PM20D2: variants seen among roughly 807,000 people sequenced by gnomAD.
PM20D2 encodes the protein xaa-Arg dipeptidase.
Under a neutral mutation model 42.9 loss-of-function variants are expected in PM20D2, and 33 were observed. The observed-to-expected ratio is 0.77, with a 90% confidence interval of 0.58 to 1.03. The LOEUF (loss-of-function observed/expected upper bound fraction) is 1.03, where lower values mean the gene tolerates loss of function less well. Ranked by LOEUF, PM20D2 falls within the 50% of genes least tolerant of loss-of-function variation. PM20D2 has a pLI of 0.00. For missense variants in PM20D2, 548 were observed against 557.0 expected (o/e 0.98, Z 0.16); for synonymous variants, 250 against 228.2 (o/e 1.10, Z -0.86).
At chr6:89,153,022 A>G in intron 2 of PM20D2, 21 bp from the exon 3 acceptor site, 1 of 1,556,620 alleles carries the variant, frequency 6.4e-7, no homozygotes, top group Non-Finnish European at 8.7e-7. Context: ...AAGTAATTTC[A>G]AATGATTTTT....
rs57998485 is a variant in PM20D2 at position 89,164,922 on chromosome 6, T to TAAAAAAAA, written c.*2672_*2679dup. 2.8e-5 allele frequency: 3 copies of TAAAAAAAA among 107,724 alleles called. No individual in the cohort carries two copies. The highest frequency in any genetic ancestry group is 1.0e-4 in the African/African-American group (3 of 29,656). 6.7% of individuals were successfully genotyped at this position (107,724 alleles called of 1,614,324 possible). A position where few individuals can be genotyped will look rare whatever the true frequency, so the allele number is the denominator to read the frequency against. ...TAAAATTGATGAGTTTCTGTGCCTGTAAAAAAAAAAAAAAAAAAAAGAAAA... is the reference window on the plus strand; with the variant it reads ...TAAAATTGATGAGTTTCTGTGCCTGTAAAAAAAAAAAAAAAAAAAAAAAAAAAAGAAAA... On this transcript the variant is annotated 3_prime_UTR_variant, in exon 7 of 7. Transcript: ENST00000275072.
chr6:89,116,788 A>T, the PM20D2 span, among the ~76,000 whole-genome samples: 9,492 of 151,882 alleles, frequency 0.062, 864 homozygotes, highest in African/African-American at 0.2. Context: ...AAAAAAAAAA[A>T]AACTAAAAAA....
At chr6:89,123,229 G>A in the PM20D2 span, among the ~76,000 whole-genome samples, 2 of 152,242 alleles carry the variant, frequency 1.3e-5, no homozygotes, top group East Asian at 3.9e-4. Context: ...GCTAGGAACT[G>A]GGGATGAAAA....
chr6:89,099,439 T>TATAC, the PM20D2 span, among the ~76,000 whole-genome samples: 2 of 127,472 alleles, frequency 1.6e-5, no homozygotes, highest in Admixed American at 8.0e-5. Context: ...TGTATATATA[T>TATAC]ACACATATAT....
At chr6:89,111,834 G>A in the PM20D2 span, among the ~76,000 whole-genome samples, 1 of 152,030 alleles carries the variant, frequency 6.6e-6, no homozygotes, top group African/African-American at 2.4e-5. Flanking sequence ...GTTTTGTTGT[G>A]TTTTTGTTTT....
chr6:89,117,993 C>A, the PM20D2 span: 17 of 1,249,170 alleles, frequency 1.4e-5, no homozygotes, highest in Non-Finnish European at 1.9e-5. Context: ...CCCGGCGCGA[C>A]CCCCACCCCT....
At chr6:89,110,492 C>T in the PM20D2 span, among the ~76,000 whole-genome samples, 1 of 152,164 alleles carries the variant, frequency 6.6e-6, no homozygotes, top group African/African-American at 2.4e-5. Context: ...TACAAAGTTA[C>T]ACATGAAGAC....
intron 2 of PM20D2, among the ~76,000 whole-genome samples, chr6:89,150,820 A>C (rs920997150): frequency 1.3e-5 from 2 of 150,100 alleles, no homozygotes; most frequent in Non-Finnish European, 3.0e-5. Context: ...GGTTACAGGC[A>C]TGAGCCATCA....
chr6:89,098,345 TA>T, the PM20D2 span: 3 of 391,822 alleles, frequency 7.7e-6, no homozygotes, highest in Non-Finnish European at 1.3e-5. Context: ...ACAATGTAAA[TA>T]AAAAATGGTC....
intron 2 of PM20D2, among the ~76,000 whole-genome samples, 156 bp downstream of exon 2, chr6:89,149,569 A>T (rs1770757807): frequency 6.6e-6 from 1 of 152,254 alleles, no homozygotes. Flanking sequence ...GACATTTGGC[A>T]AGCCTCTTCT....
chr6:89,158,343 G>GC lies in PM20D2; in HGVS notation c.932dup (p.His312ThrfsTer2). On this transcript the variant is annotated frameshift_variant, in exon 5 of 7. Transcript: ENST00000275072. LOFTEE classifies it high-confidence loss of function. ...TTATTAGGTGGAAATTAAAGGTGGA[G>GC]CACATGATTATTACAATGTTCTTCC... 1.3e-6 allele frequency: 2 copies of GC among 1,587,506 alleles called. No homozygotes were observed. The highest frequency in any genetic ancestry group is 1.7e-6 in the Non-Finnish European group (2 of 1,172,552).
chr6:89,157,429 G>A (rs1771087540), intron 4 of PM20D2, among the ~76,000 whole-genome samples: 1 of 152,126 alleles, frequency 6.6e-6, no homozygotes, highest in Non-Finnish European at 1.5e-5. Flanking sequence ...AACTGAATCT[G>A]TAAATCCACT....
chr6:89,115,688 G>A, the PM20D2 span, among the ~76,000 whole-genome samples: 1 of 146,580 alleles, frequency 6.8e-6, no homozygotes, highest in Non-Finnish European at 1.5e-5. Context: ...CCAGGCTGGA[G>A]TGCAGTGGCG....
chr6:89,113,859 T>C, the PM20D2 span, among the ~76,000 whole-genome samples: 1 of 152,022 alleles, frequency 6.6e-6, no homozygotes, highest in African/African-American at 2.4e-5. Context: ...CCCTGGCTGG[T>C]TTCAAACTCC....
the PM20D2 span, chr6:89,105,506 T>C: frequency 1.2e-6 from 2 of 1,607,522 alleles, no homozygotes; most frequent in African/African-American, 2.7e-5. Context: ...AAAGAGCATC[T>C]TCAGCATCTC....
rs771572521 is a variant in PM20D2, at chr6:89,162,159, A to G, written c.1207A>G (p.Met403Val). The G allele has an allele frequency of 7.4e-6, 12 of 1,614,200 alleles. No individual in the cohort carries two copies. The highest frequency in any genetic ancestry group is 2.2e-5 in the South Asian group (2 of 91,086). The change falls in exon 7 of 7, where the codon ATG becomes GTG. Residue 403 changes from methionine to valine, a missense_variant. This residue lies in a region of PM20D2 where 71 missense variants were observed against 69.7 expected (regional missense o/e 1.02). Transcript: ENST00000275072. ...TCTGCGGACGGCCAAAGCTCTGGCA[A>G]TGACGGCACTGGATGTTATTTTTAA... ...YTLRTAKALAMTALDVIFKPE... is the reference protein window; with the variant it reads ...YTLRTAKALAVTALDVIFKPE...
chr6:89,142,868 C>T (rs986900070), upstream of PM20D2, among the ~76,000 whole-genome samples: 9 of 152,110 alleles, frequency 5.9e-5, no homozygotes, highest in African/African-American at 2.2e-4. Context: ...CCATGTTAGC[C>T]AGGATGGTCT....
chr6:89,106,367 C>A, the PM20D2 span, among the ~76,000 whole-genome samples: 1 of 152,188 alleles, frequency 6.6e-6, no homozygotes, highest in Non-Finnish European at 1.5e-5. Context: ...CCCGCCTCAG[C>A]CTCCCAAAGT....
At chr6:89,103,955 A>G in the PM20D2 span, among the ~76,000 whole-genome samples, 2 of 149,422 alleles carry the variant, frequency 1.3e-5, no homozygotes, top group Non-Finnish European at 3.0e-5. Context: ...CATTAACTTT[A>G]GTCAACCACC....
Sources: gnomAD v4.1 joint callset for allele counts (sites outside exome capture counted in the v4.1 genomes callset) on GRCh38, gnomAD v4.1.1 for gene constraint, gnomAD v4.1.1 regional missense constraint, MANE v1.5 for transcripts, NCBI Gene and HGNC (gene_info 2026-07-23, HGNC 2026-07-21) for gene names.